DNAH7: variants seen among roughly 807,000 people sequenced by gnomAD.
The protein encoded by DNAH7 is dynein axonemal heavy chain 7.
Under a neutral mutation model 444.6 loss-of-function variants are expected in DNAH7, and 397 were observed. That is an observed-to-expected ratio of 0.89 (90% CI 0.82 to 0.97). DNAH7 has a LOEUF of 0.97. Ranked by LOEUF, DNAH7 falls within the 50% of genes least tolerant of loss-of-function variation. The pLI, the probability that DNAH7 is intolerant of heterozygous loss-of-function variation, is 0.00. For synonymous variants in DNAH7, 1,636 were observed against 1,624.4 expected, an observed-to-expected ratio of 1.01 and a Z score of -0.17; for missense variants, 4,902 against 4,800.8, an observed-to-expected ratio of 1.02 and a Z score of -0.62.
intron 46 of DNAH7, among the ~76,000 whole-genome samples, chr2:195,846,799 C>T (rs1489650987): frequency 6.6e-6 from 1 of 152,098 alleles, no homozygotes; most frequent in Non-Finnish European, 1.5e-5. Context: ...ATCTTTCTCC[C>T]ATGCTGGATG....
intron 24 of DNAH7, among the ~76,000 whole-genome samples, chr2:195,912,244 T>C (rs1465352087): frequency 6.6e-6 from 1 of 152,136 alleles, no homozygotes; most frequent in East Asian, 1.9e-4. Context: ...GAGGGGCCTT[T>C]GAGACTGCTC....
intron 63 of DNAH7, among the ~76,000 whole-genome samples, chr2:195,747,632 C>G (rs1342202391): frequency 1.3e-5 from 2 of 152,176 alleles, no homozygotes; most frequent in African/African-American, 2.4e-5. Flanking sequence ...AAAAGCTTAT[C>G]CACCATGATC....
intron 54 of DNAH7, among the ~76,000 whole-genome samples, chr2:195,800,782 T>C (rs935037888): frequency 2.6e-5 from 4 of 152,152 alleles, no homozygotes; most frequent in Non-Finnish European, 2.9e-5. Context: ...AAAAAATCAA[T>C]TGATACCTAT....
chr2:195,939,110 T>C (rs899688448), intron 19 of DNAH7, among the ~76,000 whole-genome samples: 1 of 152,096 alleles, frequency 6.6e-6, no homozygotes, highest in African/African-American at 2.4e-5. Flanking sequence ...AGATAATGTA[T>C]TTGAAGTGAC....
At chr2:195,743,481 T>G (rs1035127863) in intron 63 of DNAH7, among the ~76,000 whole-genome samples, 1 of 152,180 alleles carries the variant, frequency 6.6e-6, no homozygotes, top group African/African-American at 2.4e-5. Context: ...TAATTTAATC[T>G]TAGCTATATA....
At position 195,973,872 on chromosome 2, in the gene DNAH7, G is replaced by A. The variant is rs183553205; in HGVS notation, c.1834-1406C>T. On this transcript the variant is annotated intron_variant, in intron 15 of 64. Transcript: ENST00000312428. The stretch of plus-strand genomic sequence containing the variant: ...TGAGGTCTAGGCAGGCGGATCACCT[G>A]AGGTCAAGAGTTCAAAACATGGTGA... Among the ~76,000 whole-genome samples the A allele has an allele frequency of 1.9e-3, 295 of 152,136 alleles. 2 individuals are homozygous for A. Among genetic ancestry groups the A allele is most frequent in the South Asian group, 3.7e-3 (18 of 4,814 alleles).
At chr2:196,053,494 T>C (rs1179750245) in intron 2 of DNAH7, among the ~76,000 whole-genome samples, 1 of 152,216 alleles carries the variant, frequency 6.6e-6, no homozygotes, top group Non-Finnish European at 1.5e-5. Flanking sequence ...AAAAGCTATT[T>C]CATAAATGGT....
intron 46 of DNAH7, among the ~76,000 whole-genome samples, chr2:195,847,424 A>T (rs1699074590): frequency 6.6e-6 from 1 of 151,940 alleles, no homozygotes; most frequent in Admixed American, 6.6e-5. Flanking sequence ...TCTCACTTAT[A>T]AGTGGGAGCT....
At chr2:195,835,896 T>C (rs1478172091) in intron 47 of DNAH7, among the ~76,000 whole-genome samples, 1 of 151,838 alleles carries the variant, frequency 6.6e-6, no homozygotes, top group Admixed American at 6.6e-5. Context: ...AAAAAGAAAA[T>C]AGTTTTCTTA....
intron 8 of DNAH7, among the ~76,000 whole-genome samples, chr2:196,020,077 A>T (rs1478964503): frequency 6.6e-6 from 1 of 152,130 alleles, no homozygotes; most frequent in Non-Finnish European, 1.5e-5. Flanking sequence ...TATGAATAGT[A>T]AATATATTTT....
At chr2:195,748,397 A>T (rs892751625) in intron 63 of DNAH7, among the ~76,000 whole-genome samples, 4 of 152,244 alleles carry the variant, frequency 2.6e-5, no homozygotes, top group African/African-American at 9.6e-5. Flanking sequence ...TATCGTGAAA[A>T]TGGCTGTACT....
chr2:196,024,385 A>T, intron 8 of DNAH7, 44 bp downstream of exon 8: 1 of 1,303,644 alleles, frequency 7.7e-7, no homozygotes, highest in South Asian at 1.5e-5. Flanking sequence ...CATATACAGA[A>T]ATGGTCACAT....
chr2:195,867,011 G>A (rs1159631575), intron 40 of DNAH7, among the ~76,000 whole-genome samples: 1 of 152,160 alleles, frequency 6.6e-6, no homozygotes, highest in Non-Finnish European at 1.5e-5. Context: ...CCATGATTGT[G>A]AGGCATCACT....
At chr2:195,785,632 G>T (rs1695582199) in intron 58 of DNAH7, among the ~76,000 whole-genome samples, 4 of 140,140 alleles carry the variant, frequency 2.9e-5, no homozygotes, top group African/African-American at 7.9e-5. Flanking sequence ...TGAATGAGTT[G>T]GATTTTTTCA....
At chr2:195,961,006 G>GA (rs1325243543) in intron 17 of DNAH7, 61 bp from the exon 18 acceptor site, 26 of 1,319,846 alleles carry the variant, frequency 2.0e-5, no homozygotes, top group Non-Finnish European at 2.5e-5. Flanking sequence ...TGCAAATTAA[G>GA]TTTTTTTAAA....
chr2:195,772,447 C>T (rs184924395), intron 60 of DNAH7, among the ~76,000 whole-genome samples: 12 of 152,150 alleles, frequency 7.9e-5, no homozygotes, highest in African/African-American at 2.9e-4. Context: ...TAGTGATTCA[C>T]GTTGGAAGCA....
chr2:195,912,483 G>C (rs1439267316), intron 24 of DNAH7, among the ~76,000 whole-genome samples: 1 of 152,154 alleles, frequency 6.6e-6, no homozygotes, highest in Non-Finnish European at 1.5e-5. Flanking sequence ...ACACTGAATG[G>C]GACCCTATGC....
At chr2:195,952,299 T>G (rs544707094) in intron 19 of DNAH7, among the ~76,000 whole-genome samples, 1 of 152,230 alleles carries the variant, frequency 6.6e-6, no homozygotes, top group African/African-American at 2.4e-5. Context: ...CAGAGAGATC[T>G]GCTGTTAGTT....
At chr2:196,011,438 A>AAT (rs1694721954) in intron 10 of DNAH7, among the ~76,000 whole-genome samples, 2 of 152,128 alleles carry the variant, frequency 1.3e-5, no homozygotes, top group Non-Finnish European at 2.9e-5. Context: ...TGTAGGGAAT[A>AAT]ATAATAAGTA....
Sources: gnomAD v4.1 joint callset for allele counts (sites outside exome capture counted in the v4.1 genomes callset) on GRCh38, gnomAD v4.1.1 for gene constraint, MANE v1.5 for transcripts, NCBI Gene and HGNC (gene_info 2026-07-23, HGNC 2026-07-21) for gene names.